SPOCK3: variants seen among roughly 807,000 people sequenced by gnomAD.
SPOCK3 encodes testican-3.
In SPOCK3, 30 loss-of-function variants were observed where a neutral mutation model predicts 56.6. That is an observed-to-expected ratio of 0.53 (90% CI 0.40 to 0.72). SPOCK3 has a LOEUF of 0.72. Ranked by LOEUF, SPOCK3 falls within the 30% of genes least tolerant of loss-of-function variation. The probability of loss-of-function intolerance (pLI) is 0.00; values close to 1 mark genes in which losing one functional copy is unlikely to be tolerated. For missense variants in SPOCK3, 527 were observed against 530.0 expected (o/e 0.99, Z 0.06); for synonymous variants, 196 against 183.3 (o/e 1.07, Z -0.56).
In SPOCK3 at chr4:166,851,029, G is replaced by A. The variant is rs368353173; in HGVS notation, c.589+38101C>T. Among the ~76,000 whole-genome samples, 160 of 152,270 alleles carry A rather than the reference G, an allele frequency of 1.1e-3. 3 individuals are homozygous for A. The East Asian group carries it at 0.014, about 14-fold the overall frequency. ...CTCTGGGGGCAGGGCACAGACAAAC[G>A]AAAAGACAGCAGTAACCTCTGCAGA... On this transcript the variant is annotated intron_variant, in intron 6 of 10. Transcript: ENST00000357545.
intron 4 of SPOCK3, among the ~76,000 whole-genome samples, chr4:166,919,041 C>T (rs1738199505): frequency 6.6e-6 from 1 of 152,180 alleles, no homozygotes; most frequent in South Asian, 2.1e-4. Flanking sequence ...CAGATGCTGG[C>T]ACCTTGATTC....
intron 2 of SPOCK3, among the ~76,000 whole-genome samples, chr4:167,096,352 C>G (rs572833097): frequency 6.6e-6 from 1 of 151,834 alleles, no homozygotes; most frequent in Non-Finnish European, 1.5e-5. Flanking sequence ...AACTTAGATT[C>G]TTGAATTTAG....
chr4:167,090,419 C>T (rs1455196731), intron 2 of SPOCK3, among the ~76,000 whole-genome samples: 1 of 152,012 alleles, frequency 6.6e-6, no homozygotes, highest in African/African-American at 2.4e-5. Context: ...GCTGATTGGC[C>T]ATTTTTATGC....
At chr4:167,179,556 TC>T (rs1420892264) in intron 2 of SPOCK3, among the ~76,000 whole-genome samples, 2 of 152,188 alleles carry the variant, frequency 1.3e-5, no homozygotes, top group Non-Finnish European at 2.9e-5. Context: ...TGTTCTATTT[TC>T]TTTATCTAAT....
At chr4:167,030,083 T>TTCTATCTATCTATCTATCTATCTATCTA (rs59694023) in intron 3 of SPOCK3, among the ~76,000 whole-genome samples, 1 of 141,396 alleles carries the variant, frequency 7.1e-6, no homozygotes, top group Non-Finnish European at 1.5e-5. Context: ...TAATGGCTCA[T>TTCTATCTATCTATCTATCTATCTATCTA]TCTATCTATC....
At chr4:167,143,778 C>T (rs571847584) in intron 2 of SPOCK3, among the ~76,000 whole-genome samples, 13 of 151,962 alleles carry the variant, frequency 8.6e-5, no homozygotes, top group Non-Finnish European at 1.8e-4. Flanking sequence ...AAAGACAAAA[C>T]TTCAATGTGA....
intron 4 of SPOCK3, among the ~76,000 whole-genome samples, chr4:166,961,700 G>T (rs746683839): frequency 2.6e-5 from 4 of 152,018 alleles, no homozygotes; most frequent in Non-Finnish European, 4.4e-5. Flanking sequence ...CCTTCCAAAA[G>T]ATAGTTTCCG....
At chr4:166,792,398 A>G (rs1196791745) in intron 6 of SPOCK3, 109 bp from the exon 7 acceptor site, 2 of 1,165,550 alleles carry the variant, frequency 1.7e-6, no homozygotes, top group East Asian at 2.5e-5. Context: ...TAAAAGAAAA[A>G]GGTGTGACTG....
intron 2 of SPOCK3, among the ~76,000 whole-genome samples, chr4:167,126,115 A>G (rs1762258243): frequency 6.6e-6 from 1 of 152,154 alleles, no homozygotes; most frequent in Non-Finnish European, 1.5e-5. Context: ...AAAGAGTGAA[A>G]ATTGTTATTG....
At chr4:166,895,022 C>A (rs1735221757) in intron 5 of SPOCK3, among the ~76,000 whole-genome samples, 1 of 151,974 alleles carries the variant, frequency 6.6e-6, no homozygotes, top group South Asian at 2.1e-4. Flanking sequence ...GATCAAAAGG[C>A]TAGTAGGTTT....
intron 2 of SPOCK3, among the ~76,000 whole-genome samples, chr4:167,127,519 C>G (rs1169409977): frequency 6.6e-6 from 1 of 151,914 alleles, no homozygotes; most frequent in East Asian, 1.9e-4. Context: ...CCTCTGGTTC[C>G]CGGGTTCAAG....
chr4:166,816,772 G>A (rs1264868780), intron 6 of SPOCK3, among the ~76,000 whole-genome samples: 1 of 151,952 alleles, frequency 6.6e-6, no homozygotes, highest in African/African-American at 2.4e-5. Flanking sequence ...AACAAATATG[G>A]ATAAAAACAT....
intron 5 of SPOCK3, among the ~76,000 whole-genome samples, chr4:166,908,312 C>T (rs1338140754): frequency 1.0e-5 from 1 of 96,808 alleles, no homozygotes. Flanking sequence ...ACACACACAC[C>T]CCTACCTTTT....
intron 3 of SPOCK3, among the ~76,000 whole-genome samples, chr4:167,035,322 A>G (rs11931152): frequency 0.36 from 54,827 of 151,726 alleles, 12,258 homozygotes; most frequent in African/African-American, 0.63. Flanking sequence ...AGAACATCTC[A>G]GTGTGATCCC....
At chr4:166,889,097 A>G (rs1734494998) in intron 6 of SPOCK3, 33 bp downstream of exon 6, 1 of 1,280,524 alleles carries the variant, frequency 7.8e-7, no homozygotes, top group Non-Finnish European at 1.1e-6. Flanking sequence ...AGAGTGATGA[A>G]TGTAAAATTA....
intron 4 of SPOCK3, among the ~76,000 whole-genome samples, chr4:166,987,890 G>A (rs1401174976): frequency 2.0e-5 from 3 of 152,082 alleles, no homozygotes; most frequent in African/African-American, 7.2e-5. Context: ...TGCCTGCAAA[G>A]AGCAGCATAA....
At chr4:166,994,688 A>C (rs1372794154) in intron 4 of SPOCK3, among the ~76,000 whole-genome samples, 2 of 152,160 alleles carry the variant, frequency 1.3e-5, no homozygotes, top group Non-Finnish European at 2.9e-5. Flanking sequence ...ACTTATTTTC[A>C]TATATGAGAA....
At chr4:167,172,500 AATT>A (rs1267623450) in intron 2 of SPOCK3, among the ~76,000 whole-genome samples, 5 of 152,138 alleles carry the variant, frequency 3.3e-5, no homozygotes, top group African/African-American at 9.7e-5. Flanking sequence ...GATTCCTAAT[AATT>A]ATTTCTTCCT....
At chr4:166,875,241 C>T (rs1178684009) in intron 6 of SPOCK3, among the ~76,000 whole-genome samples, 2 of 152,080 alleles carry the variant, frequency 1.3e-5, no homozygotes, top group South Asian at 2.1e-4. Flanking sequence ...ATATTTACTT[C>T]TAGAAAAAGT....
Sources: gnomAD v4.1 joint callset for allele counts (sites outside exome capture counted in the v4.1 genomes callset) on GRCh38, gnomAD v4.1.1 for gene constraint, MANE v1.5 for transcripts, NCBI Gene and HGNC (gene_info 2026-07-23, HGNC 2026-07-21) for gene names.